The following LPP variants were observed in gnomAD, a reference collection of about 807,000 sequenced individuals.
LPP encodes lipoma-preferred partner.
A neutral mutation model predicts 60.4 loss-of-function variants in LPP; 38 were observed. That is an observed-to-expected ratio of 0.63 (90% confidence interval 0.49 to 0.83). LPP has a LOEUF of 0.83. LPP is among the 40% of genes least tolerant of loss of function. The pLI, the probability that LPP is intolerant of heterozygous loss-of-function variation, is 0.00. For synonymous variants in LPP, 328 were observed against 290.8 expected (o/e 1.13, Z -1.30); for missense variants, 902 against 783.6 (o/e 1.15, Z -1.80).
chr3:188,227,101 T>C (rs1398090386), intron 2 of LPP, among the ~76,000 whole-genome samples: 13 of 152,182 alleles, frequency 8.5e-5, no homozygotes, highest in Admixed American at 3.9e-4. Flanking sequence ...AAAAATCAAG[T>C]GTGTAATGAT....
Position 188,673,519 on chromosome 3 carries a change from G to C in LPP, c.1114-34748G>C, listed in dbSNP as rs528759262. 1.2e-4 allele frequency among the ~76,000 whole-genome samples: 19 copies of C among 152,210 alleles called. No individual in the cohort carries two copies. The South Asian group carries it at 3.5e-3, about 28-fold the overall frequency. On this transcript the variant is annotated intron_variant, in intron 7 of 11. Coordinates refer to ENST00000617246, the MANE Select transcript of LPP (RefSeq NM_001375462.1). ...TTAGTACCAACATCAATCATAATTAGGCTCATGCTTTGGTCTCTCTGAGAC... is the reference window on the plus strand; with the variant it reads ...TTAGTACCAACATCAATCATAATTACGCTCATGCTTTGGTCTCTCTGAGAC...
intron 3 of LPP, among the ~76,000 whole-genome samples, chr3:188,401,507 G>T (rs1047233647): frequency 1.3e-5 from 2 of 152,070 alleles, no homozygotes; most frequent in Admixed American, 1.3e-4. Context: ...CATCCCCCAA[G>T]ATTTTTCATG....
intron 7 of LPP, among the ~76,000 whole-genome samples, chr3:188,659,622 G>C (rs972044677): frequency 3.3e-5 from 5 of 152,180 alleles, no homozygotes; most frequent in Admixed American, 6.6e-5. Context: ...CTACAGCACA[G>C]AAGTGCAGCC....
At chr3:188,528,333 C>T (rs151190857) in intron 6 of LPP, among the ~76,000 whole-genome samples, 2,121 of 152,074 alleles carry the variant, frequency 0.014, 25 homozygotes, top group South Asian at 0.049. Flanking sequence ...TGCCCCTCCC[C>T]GCCCCCCAGC....
intron 1 of LPP, among the ~76,000 whole-genome samples, chr3:188,220,512 C>T (rs1250776968): frequency 6.6e-6 from 1 of 152,176 alleles, no homozygotes; most frequent in Admixed American, 6.5e-5. Flanking sequence ...AGCACAGGCT[C>T]ATTACTAATC....
Position 188,837,968 on chromosome 3 carries a change from C to G in LPP, c.1411-28232C>G, listed in dbSNP as rs149092930. Among the ~76,000 whole-genome samples, 1,209 of 152,154 alleles carry G rather than the reference C, an allele frequency of 7.9e-3. 10 individuals are homozygous for G. The highest frequency in any genetic ancestry group is 0.012 in the Admixed American group (183 of 15,272). The stretch of plus-strand genomic sequence containing the variant: ...CTATCTAGTGTGGGAAAACGTGAAA[C>G]AACTTTGGGCCATAGATTGCTCTAT... On this transcript the variant is annotated intron_variant, in intron 9 of 11. Coordinates refer to ENST00000617246, the MANE Select transcript of LPP (RefSeq NM_001375462.1).
intron 7 of LPP, among the ~76,000 whole-genome samples, chr3:188,618,235 G>T (rs1427787322): frequency 1.3e-5 from 2 of 152,298 alleles, no homozygotes; most frequent in Admixed American, 6.5e-5. Context: ...ATGATACAGT[G>T]TTTGATCTGT....
At chr3:188,179,908 G>A in intron 1 of LPP, 1 of 204,270 alleles carries the variant, frequency 4.9e-6, no homozygotes, top group South Asian at 8.1e-5. Flanking sequence ...GAAATTACTT[G>A]TGAAGCAACA....
intron 9 of LPP, among the ~76,000 whole-genome samples, chr3:188,783,869 C>CAT (rs1740655716): frequency 6.6e-6 from 1 of 151,716 alleles, no homozygotes; most frequent in African/African-American, 2.4e-5. Flanking sequence ...AACTTGATAT[C>CAT]TCATTCTTAC....
intron 3 of LPP, among the ~76,000 whole-genome samples, chr3:188,368,719 C>CACACACACACAGAG (rs1257085181): frequency 2.0e-4 from 20 of 99,652 alleles, no homozygotes; most frequent in South Asian, 1.7e-3. Flanking sequence ...CACACACACA[C>CACACACACACAGAG]AGAGAGAGAG....
chr3:188,771,151 A>G (rs1043715166), intron 9 of LPP, among the ~76,000 whole-genome samples: 7 of 152,200 alleles, frequency 4.6e-5, no homozygotes, highest in African/African-American at 1.4e-4. Context: ...TACAATTCAC[A>G]TTATATATTA....
chr3:188,537,280 A>T (rs1424827391), intron 6 of LPP, among the ~76,000 whole-genome samples: 1 of 151,862 alleles, frequency 6.6e-6, no homozygotes. Flanking sequence ...AAGAGTGGAT[A>T]GAGATGTATC....
rs1226820349 is a variant in LPP, at chr3:188,890,096, T to C, written c.*15617T>C. On this transcript the variant is annotated 3_prime_UTR_variant, in exon 12 of 12. Coordinates refer to ENST00000617246, the MANE Select transcript of LPP (RefSeq NM_001375462.1). ...AAGATAGTCTTATGTAAAGGTTAAA[T>C]GGTGTTTACAAGTGGATAGATAAGG... is the stretch of plus-strand genomic sequence containing the variant. 3.7e-5 allele frequency: 8 copies of C among 214,494 alleles called. No individual in the cohort carries two copies. Among genetic ancestry groups the C allele is most frequent in the Non-Finnish European group, 6.6e-5 (7 of 106,284 alleles). 13.3% of individuals were successfully genotyped at this position (214,494 alleles called of 1,614,324 possible).
At chr3:188,722,927 G>A (rs776661574) in intron 8 of LPP, among the ~76,000 whole-genome samples, 1 of 152,060 alleles carries the variant, frequency 6.6e-6, no homozygotes. Context: ...AATTGTTAAC[G>A]TCAGTGTTTA....
rs113790986 is a variant in LPP, at chr3:188,360,101, T to C, written c.-10+18382T>C. The stretch of plus-strand genomic sequence containing the variant: ...TCTGGATTCTAGGCTTCCTTATCGT[T>C]AGTGTCACTTTCCCCCCTTCTGTTA... On this transcript the variant is annotated intron_variant, in intron 3 of 11. Transcript: ENST00000617246. 1.4e-3 allele frequency among the ~76,000 whole-genome samples: 220 copies of C among 152,334 alleles called. 2 individuals carry two copies. Among genetic ancestry groups the C allele is most frequent in the Middle Eastern group, 6.8e-3 (2 of 294 alleles).
rs191372655 is a variant in LPP, at chr3:188,499,707, C to T, written c.306+15003C>T. On this transcript the variant is annotated intron_variant, in intron 5 of 11. Transcript: ENST00000617246. ...TGGATATCATATTGGTTGATATTGA[C>T]ATCTTAGTTATATTAAGTCTTGCAT... Among the ~76,000 whole-genome samples the T allele has an allele frequency of 2.0e-4, 30 of 152,252 alleles. No homozygotes were observed. The South Asian group carries it at 5.2e-3, about 26-fold the overall frequency.
chr3:188,432,114 G>T (rs1791045841), intron 4 of LPP, among the ~76,000 whole-genome samples: 1 of 151,964 alleles, frequency 6.6e-6, no homozygotes, highest in South Asian at 2.1e-4. Context: ...TTGAAGTTTG[G>T]TACTAATATT....
At chr3:188,580,261 AAAACATTT>A in intron 6 of LPP, among the ~76,000 whole-genome samples, 1 of 152,080 alleles carries the variant, frequency 6.6e-6, no homozygotes, top group East Asian at 1.9e-4. Context: ...AAACTTACTC[AAAACATTT>A]AGTATTTAAT....
intron 9 of LPP, among the ~76,000 whole-genome samples, chr3:188,803,004 A>ACCC (rs1240140551): frequency 6.6e-6 from 1 of 151,084 alleles, no homozygotes; most frequent in Non-Finnish European, 1.5e-5. Context: ...CTGACTTATA[A>ACCC]TAATACTATA....
Sources: allele counts gnomAD v4.1 joint callset (sites outside exome capture counted in the v4.1 genomes callset), GRCh38; gene constraint gnomAD v4.1.1; transcripts MANE v1.5; gene names NCBI Gene and HGNC (gene_info 2026-07-23, HGNC 2026-07-21).